TNRC6A: variants seen among roughly 807,000 people sequenced by gnomAD.
TNRC6A encodes trinucleotide repeat containing adaptor 6A, also known as trinucleotide repeat-containing gene 6A protein.
In TNRC6A, 44 loss-of-function variants were observed where a neutral mutation model predicts 221.2. That is an observed-to-expected ratio of 0.20 (90% confidence interval 0.16 to 0.26). The LOEUF (loss-of-function observed/expected upper bound fraction) is 0.26. Among genes scored for constraint, TNRC6A ranks in the 10% least tolerant of loss-of-function variants. The pLI, the probability that TNRC6A is intolerant of heterozygous loss-of-function variation, is 1.00. For missense variants in TNRC6A, 2,199 were observed against 2,404.4 expected (o/e 0.91, Z 1.79); for synonymous variants, 847 against 838.5 (o/e 1.01, Z -0.18).
chr16:24,653,518 G>A lies in TNRC6A; in HGVS notation n.402+12509G>A, dbSNP rs145004570. Among the ~76,000 whole-genome samples, 367 of 152,310 alleles carry A rather than the reference G, an allele frequency of 2.4e-3. 1 individual carries two copies. The highest frequency in any genetic ancestry group is 8.2e-3 in the African/African-American group (339 of 41,570). ...CTGCCAGGCGCGGTGGCTCATGCCT[G>A]TAATCCCAGCACTTTGGGAGGCTGA... is the stretch of plus-strand genomic sequence containing the variant. On this transcript the variant is annotated intron_variant and non_coding_transcript_variant, in intron 2 of 2. Coordinates refer to the TNRC6A transcript ENST00000566108.
intron 22 of TNRC6A, among the ~76,000 whole-genome samples, chr16:24,820,828 T>C (rs995031675): frequency 3.9e-5 from 6 of 152,244 alleles, no homozygotes; most frequent in Non-Finnish European, 8.8e-5. Context: ...CCTCTGCCTT[T>C]CCTCATTCTA....
intron 2 of TNRC6A, among the ~76,000 whole-genome samples, chr16:24,648,424 C>G (rs1164839507): frequency 6.6e-6 from 1 of 152,028 alleles, no homozygotes; most frequent in South Asian, 2.1e-4. Context: ...GTGCCCACCA[C>G]CACGCCTGGC....
intron 3 of TNRC6A, among the ~76,000 whole-genome samples, chr16:24,754,247 G>T (rs1444894867): frequency 6.6e-6 from 1 of 151,910 alleles, no homozygotes; most frequent in East Asian, 1.9e-4. Flanking sequence ...AGACACCGAC[G>T]AGCCTTACAA....
chr16:24,642,811 T>A (rs1902022460), intron 2 of TNRC6A, among the ~76,000 whole-genome samples: 1 of 151,720 alleles, frequency 6.6e-6, no homozygotes, highest in South Asian at 2.1e-4. Flanking sequence ...ACAGTGAGAC[T>A]CCATCTCACT....
chr16:24,731,278 T>TGC (rs2056634454), intron 2 of TNRC6A, among the ~76,000 whole-genome samples: 1 of 152,210 alleles, frequency 6.6e-6, no homozygotes, highest in Non-Finnish European at 1.5e-5. Flanking sequence ...TCTTGATGAT[T>TGC]GCGGGTTTTA....
upstream of TNRC6A, among the ~76,000 whole-genome samples, chr16:24,728,002 GA>G (rs909706948): frequency 8.6e-5 from 13 of 151,810 alleles, no homozygotes; most frequent in African/African-American, 2.9e-4. Context: ...AGAAGAAAAT[GA>G]AAAAAAGTCA....
intron 2 of TNRC6A, among the ~76,000 whole-genome samples, chr16:24,657,518 T>C (rs1253761125): frequency 2.6e-5 from 4 of 152,014 alleles, no homozygotes; most frequent in African/African-American, 9.7e-5. Context: ...AAGACCAGCC[T>C]GGCCAACATG....
intron 2 of TNRC6A, among the ~76,000 whole-genome samples, chr16:24,711,173 A>T (rs1043608384): frequency 6.6e-6 from 1 of 151,008 alleles, no homozygotes; most frequent in Non-Finnish European, 1.5e-5. Context: ...CACCTGGCCA[A>T]ATTTTTGTGT....
Position 24,791,264 on chromosome 16 carries a change from C to T in TNRC6A, c.2622C>T (p.Ser874=). The T allele has an allele frequency of 5.0e-6, 8 of 1,614,080 alleles. No individual in the cohort carries two copies. The highest frequency in any genetic ancestry group is 6.8e-6 in the Non-Finnish European group (8 of 1,179,982). The change falls in exon 6 of 25, where the codon AGC becomes AGT. Residue 874 remains serine, a synonymous_variant. Transcript: ENST00000395799. ...GGGGTGAGGCCAATAAGAAATCCAG[C>T]TCAGGAGGTAGTGACAGTGACAGGT... ...NHWGEANKKS[S]SGGSDSDRSV... is the part of the protein sequence containing the mutation.
chr16:24,732,419 C>T (rs1378079857), intron 2 of TNRC6A, among the ~76,000 whole-genome samples: 1 of 152,174 alleles, frequency 6.6e-6, no homozygotes, highest in Non-Finnish European at 1.5e-5. Flanking sequence ...TTATTGATTG[C>T]TTACTATGTG....
intron 2 of TNRC6A, among the ~76,000 whole-genome samples, chr16:24,659,164 T>A (rs923492244): frequency 5.9e-5 from 9 of 152,250 alleles, no homozygotes; most frequent in Admixed American, 5.9e-4. Context: ...TATTCCTTCT[T>A]ATTTCTTAGA....
intron 2 of TNRC6A, among the ~76,000 whole-genome samples, chr16:24,652,485 A>G (rs1902728245): frequency 6.6e-6 from 1 of 152,186 alleles, no homozygotes; most frequent in African/African-American, 2.4e-5. Context: ...CAGGTTACCC[A>G]TCCCAAGCTG....
At chr16:24,630,887 A>G (rs778299441) in intron 1 of TNRC6A, among the ~76,000 whole-genome samples, 3 of 152,154 alleles carry the variant, frequency 2.0e-5, no homozygotes, top group Non-Finnish European at 4.4e-5. Context: ...CCCAGATCCA[A>G]GGGATGTGGT....
Position 24,777,194 on chromosome 16 carries a change from A to G in TNRC6A, c.425A>G (p.His142Arg). Residue 142 changes from histidine (H) to arginine (R), a missense_variant, in exon 5 of 25, where the codon CAC (histidine) becomes CGC (arginine). Physicochemically the swap from His to Arg is conservative, Grantham distance 29. This residue lies in a region of TNRC6A where 1,405 missense variants were observed against 1,400.2 expected (regional missense o/e 1.00). Coordinates refer to ENST00000395799, the MANE Select transcript of TNRC6A (RefSeq NM_014494.4). ...CGTGAAGTACCTCCACGATTTCGCCACCAGGAACACAAACAGCTTCTAAAG... is the reference window on the plus strand; with the variant it reads ...CGTGAAGTACCTCCACGATTTCGCCGCCAGGAACACAAACAGCTTCTAAAG... ...YPREVPPRFR[H>R]QEHKQLLKRG... 5 of 1,614,190 alleles carry G rather than the reference A, an allele frequency of 3.1e-6. No individual in the cohort carries two copies. The highest frequency in any genetic ancestry group is 4.2e-6 in the Non-Finnish European group (5 of 1,180,046).
intron 18 of TNRC6A, 23 bp from the exon 19 acceptor site, chr16:24,815,124 C>T: frequency 1.2e-6 from 2 of 1,601,008 alleles, no homozygotes. Context: ...GCTCACATTT[C>T]TCTATTATTC....
chr16:24,758,458 T>C lies in TNRC6A; in HGVS notation c.163+98T>C, dbSNP rs2057297368. ...CTCAAGGATGGGAGAGAGAAGAGCA[T>C]GAAAGAAGCGGTTGGGATTAGCCTT... On this transcript the variant is annotated intron_variant, in intron 4 of 24. Coordinates refer to ENST00000395799, the MANE Select transcript of TNRC6A (RefSeq NM_014494.4). 5.4e-6 allele frequency: 7 copies of C among 1,292,612 alleles called. No individual in the cohort carries two copies. The Admixed American group carries it at 7.7e-5, about 14-fold the overall frequency. 80.1% of individuals were successfully genotyped at this position (1,292,612 alleles called of 1,614,324 possible). A position where few individuals can be genotyped will look rare whatever the true frequency, so the allele number is the denominator to read the frequency against.
Position 24,790,634 on chromosome 16 carries a change from C to A in TNRC6A, c.1992C>A (p.Ala664=). Residue 664 remains alanine (A), a synonymous_variant, in exon 6 of 25, where the codon GCC becomes GCA. Coordinates refer to ENST00000395799, the MANE Select transcript of TNRC6A (RefSeq NM_014494.4). ...CAAATGAGCAAAGCAGTGTGTGGGC[C>A]AAAACAGGAGGTACAGTGGAGAGCG... ...SQTNEQSSVW[A]KTGGTVESDG... 1 of 1,614,078 alleles carries A rather than the reference C, an allele frequency of 6.2e-7. No individual in the cohort carries two copies. Among genetic ancestry groups the A allele is most frequent in the Non-Finnish European group, 8.5e-7 (1 of 1,180,028 alleles).
chr16:24,719,198 T>C (rs2056368327), intron 2 of TNRC6A, among the ~76,000 whole-genome samples: 1 of 152,130 alleles, frequency 6.6e-6, no homozygotes, highest in Non-Finnish European at 1.5e-5. Flanking sequence ...TTTGCTCTCC[T>C]GGCGCTTACA....
intron 1 of TNRC6A, among the ~76,000 whole-genome samples, chr16:24,614,037 G>A (rs1352120865): frequency 2.0e-5 from 3 of 152,318 alleles, no homozygotes; most frequent in East Asian, 1.9e-4. Flanking sequence ...TCCTGGCCTG[G>A]GTTCATGGCC....
Sources: gnomAD v4.1 joint callset for allele counts (sites outside exome capture counted in the v4.1 genomes callset) on GRCh38, gnomAD v4.1.1 for gene constraint, gnomAD v4.1.1 regional missense constraint, MANE v1.5 for transcripts, NCBI Gene and HGNC (gene_info 2026-07-23, HGNC 2026-07-21) for gene names.